The following DIAPH2 variants were observed in gnomAD, a reference collection of about 807,000 sequenced individuals.
DIAPH2 encodes protein diaphanous homolog 2.
A neutral mutation model predicts 92.7 loss-of-function variants in DIAPH2; 35 were observed. The ratio of observed to expected loss-of-function variants is 0.38; its 90% CI spans 0.29 to 0.50. The LOEUF is 0.50. Among genes scored for constraint, DIAPH2 ranks in the 20% least tolerant of loss-of-function variants. The pLI, the probability that DIAPH2 is intolerant of heterozygous loss-of-function variation, is 0.94. For missense variants in DIAPH2, 701 were observed against 819.5 expected (o/e 0.86, Z 1.77); for synonymous variants, 301 against 280.4 (o/e 1.07, Z -0.73).
At chrX:97,368,514 T>C (rs1197816316) in intron 24 of DIAPH2, among the ~76,000 whole-genome samples, 1 of 112,033 alleles carries the variant, frequency 8.9e-6, no homozygotes, top group African/African-American at 3.2e-5. Flanking sequence ...ATCTTTTTTA[T>C]TTTTAAATTT....
At chrX:97,472,714 T>A (rs368870161) in intron 26 of DIAPH2, among the ~76,000 whole-genome samples, 58 of 112,491 alleles carry the variant, frequency 5.2e-4, no homozygotes, top group African/African-American at 1.8e-3. Flanking sequence ...AATTGCTTGC[T>A]TGTTTGTCCT....
At chrX:96,913,785 A>T (rs2065484689) in intron 7 of DIAPH2, among the ~76,000 whole-genome samples, 1 of 110,879 alleles carries the variant, frequency 9.0e-6, no homozygotes, top group African/African-American at 3.3e-5. Context: ...TACTAGTTGT[A>T]TTATAAGGGA....
intron 23 of DIAPH2, among the ~76,000 whole-genome samples, chrX:97,262,092 TAAAAAAAAAAAA>T (rs35665297): frequency 3.6e-4 from 22 of 60,528 alleles, no homozygotes; most frequent in African/African-American, 1.5e-3. Context: ...GATGAGAAAC[TAAAAAAAAAAAA>T]AAAAAAAAAG....
At chrX:97,177,724 A>C (rs1275797593) in intron 22 of DIAPH2, among the ~76,000 whole-genome samples, 3 of 109,608 alleles carry the variant, frequency 2.7e-5, no homozygotes, top group Admixed American at 9.8e-5. Context: ...AAAAAAAAAA[A>C]AACAAAAACC....
At chrX:96,849,754 A>T (rs2064995376) in intron 4 of DIAPH2, among the ~76,000 whole-genome samples, 1 of 111,640 alleles carries the variant, frequency 9.0e-6, no homozygotes, top group African/African-American at 3.3e-5. Flanking sequence ...TTGGACTGAC[A>T]ACAATTACAT....
At chrX:97,103,238 A>T (rs1001561211) in intron 20 of DIAPH2, among the ~76,000 whole-genome samples, 2 of 109,801 alleles carry the variant, frequency 1.8e-5, no homozygotes, top group Non-Finnish European at 3.8e-5. Flanking sequence ...GTCAGTTTCC[A>T]CTCTGCCCTG....
chrX:97,002,036 T>C (rs191873455), intron 17 of DIAPH2, among the ~76,000 whole-genome samples: 29 of 110,953 alleles, frequency 2.6e-4, no homozygotes, highest in African/African-American at 9.5e-4. Context: ...GATGGACAAA[T>C]ACTGTCTTGA....
At chrX:97,465,791 C>T (rs1473801389) in intron 26 of DIAPH2, among the ~76,000 whole-genome samples, 1 of 111,664 alleles carries the variant, frequency 9.0e-6, no homozygotes, top group African/African-American at 3.3e-5. Flanking sequence ...TGGGTTCAAA[C>T]GATTTTCCTG....
Position 96,899,270 on chromosome X carries a change from A to C in DIAPH2, c.588-13058A>C, listed in dbSNP as rs762413373. 6.0e-3 allele frequency among the ~76,000 whole-genome samples: 656 copies of C among 109,352 alleles called. 5 individuals are homozygous for C. Among genetic ancestry groups the C allele is most frequent in the African/African-American group, 0.021 (627 of 30,242 alleles). The allele number at this position is 109,352 out of a possible 115,157, so 95.0% of individuals were successfully genotyped here. ...TTTTTCCAATCCTGTGAAGAAAGTC[A>C]TTGGTAGCTTGATGGGGATGGCATT... On this transcript the variant is annotated intron_variant, in intron 5 of 26. Transcript: ENST00000324765.
At position 97,604,566 on chromosome X, in the gene DIAPH2, T is replaced by C. The variant is rs771586607; in HGVS notation, c.*5249T>C. 8.9e-6 allele frequency: 1 copy of C among 112,302 alleles called. No individual in the cohort carries two copies. Among genetic ancestry groups the C allele is most frequent in the East Asian group, 2.8e-4 (1 of 3,560 alleles). 9.3% of individuals were successfully genotyped at this position (112,302 alleles called of 1,213,427 possible). ...GTTGTTAAATGGATGGACAGGCTAT[T>C]CTAAATTTTGGTTGATACTTTTGCT... On this transcript the variant is annotated 3_prime_UTR_variant, in exon 27 of 27. Transcript: ENST00000324765.
At chrX:97,498,628 A>G (rs1023898074) in intron 26 of DIAPH2, among the ~76,000 whole-genome samples, 1 of 111,346 alleles carries the variant, frequency 9.0e-6, no homozygotes, top group Non-Finnish European at 1.9e-5. Context: ...GAGCCCTTAC[A>G]TCAGGAGACT....
At chrX:96,970,098 G>A (rs754156429) in intron 17 of DIAPH2, among the ~76,000 whole-genome samples, 1 of 111,922 alleles carries the variant, frequency 8.9e-6, no homozygotes, top group Non-Finnish European at 1.9e-5. Context: ...ACTTTCTGAT[G>A]TTGTGCTTGA....
At chrX:97,091,778 A>C (rs1424335564) in intron 19 of DIAPH2, among the ~76,000 whole-genome samples, 2 of 111,549 alleles carry the variant, frequency 1.8e-5, no homozygotes, top group African/African-American at 3.3e-5. Context: ...CTGGGAGGTA[A>C]TCTTTCTATT....
chrX:97,449,922 G>A (rs1408049609), intron 26 of DIAPH2, among the ~76,000 whole-genome samples: 3 of 109,636 alleles, frequency 2.7e-5, no homozygotes, highest in South Asian at 3.9e-4. Context: ...ATCATTTACT[G>A]TCCTCTGCAT....
chrX:96,855,969 G>A (rs2065037083), intron 4 of DIAPH2, among the ~76,000 whole-genome samples: 1 of 111,807 alleles, frequency 8.9e-6, no homozygotes. Context: ...AAGCTGTGTG[G>A]CACACATTGA....
At chrX:97,456,342 G>A (rs1279422327) in intron 26 of DIAPH2, among the ~76,000 whole-genome samples, 1 of 109,079 alleles carries the variant, frequency 9.2e-6, no homozygotes, top group Non-Finnish European at 1.9e-5. Context: ...AGCCGAGATC[G>A]CGCCGCTGCA....
chrX:96,932,625 T>A (rs2065626683), intron 10 of DIAPH2, among the ~76,000 whole-genome samples: 1 of 110,903 alleles, frequency 9.0e-6, no homozygotes, highest in African/African-American at 3.3e-5. Flanking sequence ...ATATTCTTTT[T>A]TAAAATTAAA....
chrX:96,863,842 A>G (rs1396369386), intron 4 of DIAPH2, among the ~76,000 whole-genome samples: 1 of 111,482 alleles, frequency 9.0e-6, no homozygotes, highest in East Asian at 2.8e-4. Context: ...CGGGCAGACT[A>G]CTTGAGCCCA....
At chrX:97,570,109 T>TATATAC (rs2071357334) in intron 26 of DIAPH2, among the ~76,000 whole-genome samples, 1 of 32,640 alleles carries the variant, frequency 3.1e-5, no homozygotes, top group Non-Finnish European at 5.9e-5. Flanking sequence ...TATATATATA[T>TATATAC]ATATATATAT....
Sources: gnomAD v4.1 joint callset for allele counts (sites outside exome capture counted in the v4.1 genomes callset) on GRCh38, gnomAD v4.1.1 for gene constraint, MANE v1.5 for transcripts, NCBI Gene and HGNC (gene_info 2026-07-23, HGNC 2026-07-21) for gene names.